The following RCOR1 variants were observed in gnomAD, a reference collection of about 807,000 sequenced individuals.
RCOR1 encodes the protein REST corepressor 1.
RCOR1 carries 12 observed loss-of-function variants against 64.0 expected under a neutral mutation model. The observed-to-expected ratio is 0.19, with a 90% CI of 0.12 to 0.30. The LOEUF is 0.30. RCOR1 is among the 10% of genes least tolerant of loss of function. The pLI is 1.00. For synonymous variants in RCOR1, 279 were observed against 227.2 expected, an observed-to-expected ratio of 1.23 and a Z score of -2.05; for missense variants, 502 against 621.2, an observed-to-expected ratio of 0.81 and a Z score of 2.04.
chr14:102,658,341 C>T (rs749251546), intron 2 of RCOR1: 10 of 195,266 alleles, frequency 5.1e-5, no homozygotes, highest in Admixed American at 6.5e-5. Flanking sequence ...AGACCAGGCA[C>T]GGTGGCTCAT....
At chr14:102,640,775 A>G (rs945070019) in intron 2 of RCOR1, among the ~76,000 whole-genome samples, 2 of 151,988 alleles carry the variant, frequency 1.3e-5, no homozygotes, top group African/African-American at 4.8e-5. Context: ...AGCCTGGGCA[A>G]CATAGTGAAA....
At chr14:102,670,667 A>C (rs1440037769) in intron 2 of RCOR1, among the ~76,000 whole-genome samples, 1 of 151,658 alleles carries the variant, frequency 6.6e-6, no homozygotes, top group Non-Finnish European at 1.5e-5. Context: ...TTTCAAGTAG[A>C]GTTTAGGATT....
At position 102,708,589 on chromosome 14, in the gene RCOR1, C is replaced by T. The variant is rs1895901955; in HGVS notation, c.779+6C>T. 6.5e-7 allele frequency: 1 copy of T among 1,527,338 alleles called. No homozygotes were observed. The highest frequency in any genetic ancestry group is 1.4e-5 in the African/African-American group (1 of 73,056). 94.6% of individuals were successfully genotyped at this position (1,527,338 alleles called of 1,614,324 possible). A position where few individuals can be genotyped will look rare whatever the true frequency, so the allele number is the denominator to read the frequency against. ...AAACGGGAGCGGGAGGAGAGGTGAG[C>T]ACATGGCTGGGGTGTTGTCTAACCA... is the stretch of plus-strand genomic sequence containing the variant. On this transcript the variant is annotated splice_donor_region_variant and intron_variant, in intron 6 of 11. Transcript: ENST00000262241.
At chr14:102,669,011 A>G (rs1385576419) in intron 2 of RCOR1, among the ~76,000 whole-genome samples, 1 of 152,188 alleles carries the variant, frequency 6.6e-6, no homozygotes, top group Non-Finnish European at 1.5e-5. Context: ...AGAGAACCAG[A>G]CAGGAGGTAT....
At chr14:102,679,913 T>C (rs1210669520) in intron 2 of RCOR1, among the ~76,000 whole-genome samples, 1 of 152,250 alleles carries the variant, frequency 6.6e-6, no homozygotes, top group Non-Finnish European at 1.5e-5. Flanking sequence ...ACTTTGCCTT[T>C]CTTTATGAAT....
intron 8 of RCOR1, among the ~76,000 whole-genome samples, chr14:102,719,093 ATTT>A (rs959404435): frequency 1.3e-5 from 2 of 151,140 alleles, no homozygotes; most frequent in African/African-American, 4.9e-5. Flanking sequence ...CACTAGCATA[ATTT>A]TTTTTTGGCA....
intron 2 of RCOR1, among the ~76,000 whole-genome samples, chr14:102,650,345 G>C (rs1894560422): frequency 8.2e-6 from 1 of 121,458 alleles, no homozygotes; most frequent in African/African-American, 3.1e-5. Flanking sequence ...CAGCCTGAGG[G>C]ACAGAGCACA....
chr14:102,708,669 T>C (rs555365499), intron 6 of RCOR1, 86 bp downstream of exon 6: 15 of 742,686 alleles, frequency 2.0e-5, no homozygotes, highest in Non-Finnish European at 3.5e-5. Flanking sequence ...GAATGACTGG[T>C]TTTCCCTCCG....
At chr14:102,721,708 G>A (rs1255218334) in intron 10 of RCOR1, among the ~76,000 whole-genome samples, 1 of 151,998 alleles carries the variant, frequency 6.6e-6, no homozygotes, top group Non-Finnish European at 1.5e-5. Flanking sequence ...GTATTCCTTT[G>A]GGCTTTTTTC....
In RCOR1 at chr14:102,666,004, A is replaced by G. The variant is rs937825468; in HGVS notation, c.362-15891A>G. On this transcript the variant is annotated intron_variant, in intron 2 of 11. Transcript: ENST00000262241. ...ACAAGAGCCTAAACTGTGATAGAGA[A>G]GGTGTCCCCAGTGTTATGAGAGTAT... 2.6e-5 allele frequency among the ~76,000 whole-genome samples: 4 copies of G among 152,220 alleles called. 1 individual carries two copies. The highest frequency in any genetic ancestry group is 5.9e-5 in the Non-Finnish European group (4 of 68,040).
intron 2 of RCOR1, among the ~76,000 whole-genome samples, chr14:102,625,823 T>C (rs1893969138): frequency 6.6e-6 from 1 of 152,156 alleles, no homozygotes; most frequent in East Asian, 1.9e-4. Context: ...TTCTGTGTCT[T>C]TTCTTATTTC....
At chr14:102,641,204 G>A (rs1894361527) in intron 2 of RCOR1, among the ~76,000 whole-genome samples, 1 of 151,912 alleles carries the variant, frequency 6.6e-6, no homozygotes, top group African/African-American at 2.4e-5. Flanking sequence ...GCAGTGACCC[G>A]AAATTGCACC....
At chr14:102,597,927 A>G (rs1342326370) in intron 2 of RCOR1, among the ~76,000 whole-genome samples, 7 of 145,730 alleles carry the variant, frequency 4.8e-5, no homozygotes, top group East Asian at 2.0e-4. Context: ...GGTTCAAGCA[A>G]TTCTCCTGCC....
chr14:102,657,818 A>G (rs1894755954), intron 2 of RCOR1: 1 of 933,340 alleles, frequency 1.1e-6, no homozygotes, highest in African/African-American at 2.1e-5. Flanking sequence ...AGCCTGGGCG[A>G]CAGAGTGAGA....
intron 2 of RCOR1, among the ~76,000 whole-genome samples, chr14:102,639,739 G>A (rs531932877): frequency 6.6e-6 from 1 of 151,874 alleles, no homozygotes; most frequent in Non-Finnish European, 1.5e-5. Context: ...CACCATGTTG[G>A]CCGGGCTGGT....
chr14:102,660,663 A>T (rs1275729380), intron 2 of RCOR1, among the ~76,000 whole-genome samples: 1 of 152,194 alleles, frequency 6.6e-6, no homozygotes, highest in South Asian at 2.1e-4. Flanking sequence ...CACTGTGCCC[A>T]GCCAAAATTA....
chr14:102,708,298 C>T (rs1419012902), intron 5 of RCOR1, among the ~76,000 whole-genome samples, 167 bp from the exon 6 acceptor site: 1 of 152,104 alleles, frequency 6.6e-6, no homozygotes, highest in Non-Finnish European at 1.5e-5. Flanking sequence ...GACGGGGTTT[C>T]ACCATATTAG....
chr14:102,704,938 A>G (rs547596597), intron 4 of RCOR1, among the ~76,000 whole-genome samples: 176 of 152,228 alleles, frequency 1.2e-3, no homozygotes, highest in Non-Finnish European at 2.3e-3. Flanking sequence ...CAGCCTGGGC[A>G]ATATGGTGAC....
chr14:102,704,486 C>A (rs1895809884), intron 4 of RCOR1, among the ~76,000 whole-genome samples: 1 of 152,182 alleles, frequency 6.6e-6, no homozygotes, highest in Non-Finnish European at 1.5e-5. Context: ...GGCTGGAGGG[C>A]AATGGTGCGA....
Sources: allele counts gnomAD v4.1 joint callset (sites outside exome capture counted in the v4.1 genomes callset), GRCh38; gene constraint gnomAD v4.1.1; transcripts MANE v1.5; gene names NCBI Gene and HGNC (gene_info 2026-07-23, HGNC 2026-07-21).